Variants in SNX9 observed in about 807,000 individuals in gnomAD.
SNX9 encodes the protein sorting nexin-9.
SNX9 carries 44 observed loss-of-function variants against 89.4 expected under a neutral mutation model. The observed-to-expected ratio is 0.49, with a 90% CI of 0.39 to 0.63. The LOEUF (loss-of-function observed/expected upper bound fraction) is 0.63, where lower values mean the gene tolerates loss of function less well. Ranked by LOEUF, SNX9 falls within the 30% of genes least tolerant of loss-of-function variation. SNX9 has a pLI of 0.00. For synonymous variants in SNX9, 236 were observed against 247.8 expected, an observed-to-expected ratio of 0.95 and a Z score of 0.45; for missense variants, 578 against 736.1, an observed-to-expected ratio of 0.79 and a Z score of 2.49.
chr6:157,915,640 A>AAAAAAAATATATATATATATAT (rs1472422303), intron 9 of SNX9, among the ~76,000 whole-genome samples: 2 of 95,172 alleles, frequency 2.1e-5, no homozygotes, highest in African/African-American at 4.7e-5. Context: ...AAAAAAAAAA[A>AAAAAAAATATATATATATATAT]ATATATATAT....
At chr6:157,896,606 G>T (rs1241009213) in intron 4 of SNX9, among the ~76,000 whole-genome samples, 1 of 152,200 alleles carries the variant, frequency 6.6e-6, no homozygotes, top group Non-Finnish European at 1.5e-5. Context: ...AGCAAATACG[G>T]TAAAATGTGT....
chr6:157,845,105 CTTTTTTTTTT>C (rs35257389), intron 1 of SNX9, among the ~76,000 whole-genome samples: 4 of 124,808 alleles, frequency 3.2e-5, no homozygotes, highest in African/African-American at 1.2e-4. Context: ...TCCCATTTGT[CTTTTTTTTTT>C]TTTTTTTTTT....
At chr6:157,942,132 G>T (rs1304002565) in intron 17 of SNX9, among the ~76,000 whole-genome samples, 6 of 152,206 alleles carry the variant, frequency 3.9e-5, no homozygotes, top group Non-Finnish European at 7.3e-5. Flanking sequence ...CTAAGTAGCT[G>T]ATATAACATT....
In SNX9 at chr6:157,889,822, G is replaced by A. The variant is rs115049231; in HGVS notation, c.301-7005G>A. 4.7e-3 allele frequency among the ~76,000 whole-genome samples: 723 copies of A among 152,282 alleles called. 7 individuals are homozygous for A. Among genetic ancestry groups the A allele is most frequent in the African/African-American group, 0.017 (692 of 41,550 alleles). On this transcript the variant is annotated intron_variant, in intron 4 of 17. Transcript: ENST00000392185. ...TAGATGGGGATTTACTCAAAGAAATGCTAGTCTTTATTCTTTTCTTTATAT... is the reference window on the plus strand; with the variant it reads ...TAGATGGGGATTTACTCAAAGAAATACTAGTCTTTATTCTTTTCTTTATAT...
At chr6:157,889,157 G>A (rs1039217289) in intron 4 of SNX9, among the ~76,000 whole-genome samples, 8 of 152,262 alleles carry the variant, frequency 5.3e-5, no homozygotes, top group African/African-American at 9.6e-5. Context: ...GACATCAGGC[G>A]CAGTGGCTCA....
chr6:157,873,038 A>T, intron 2 of SNX9, 64 bp from the exon 3 acceptor site: 1 of 1,387,842 alleles, frequency 7.2e-7, no homozygotes, highest in Non-Finnish European at 9.7e-7. Context: ...CTCCACACAA[A>T]ATTTCTCCAG....
intron 9 of SNX9, among the ~76,000 whole-genome samples, chr6:157,919,127 C>T (rs1309355879): frequency 6.6e-6 from 1 of 152,136 alleles, no homozygotes; most frequent in African/African-American, 2.4e-5. Flanking sequence ...TCCTTTAATA[C>T]TTCTTATAAT....
At chr6:157,835,892 G>A (rs1335738767) in intron 1 of SNX9, among the ~76,000 whole-genome samples, 1 of 152,068 alleles carries the variant, frequency 6.6e-6, no homozygotes, top group African/African-American at 2.4e-5. Flanking sequence ...GACTAATACA[G>A]TCTGGGACCA....
intron 1 of SNX9, among the ~76,000 whole-genome samples, chr6:157,853,775 A>G (rs2115123301): frequency 6.8e-6 from 1 of 148,138 alleles, no homozygotes; most frequent in South Asian, 2.1e-4. Flanking sequence ...GTACATGCAA[A>G]TGTACATGTA....
At chr6:157,854,215 A>T (rs573685800) in intron 1 of SNX9, among the ~76,000 whole-genome samples, 1 of 152,344 alleles carries the variant, frequency 6.6e-6, no homozygotes, top group South Asian at 2.1e-4. Flanking sequence ...CCCCACCCCC[A>T]GTGAGCATGC....
At chr6:157,835,651 G>A (rs1402554986) in intron 1 of SNX9, among the ~76,000 whole-genome samples, 1 of 151,958 alleles carries the variant, frequency 6.6e-6, no homozygotes, top group African/African-American at 2.4e-5. Context: ...ATTGAATCAC[G>A]GGGTCGATTT....
rs549951949 is a variant in SNX9, at chr6:157,912,759, G to A, written c.949+2734G>A. ...TTTCTTTATTTGTTTAGAGATTTTT[G>A]TTTTTTATGGAAATAATATTGAATG... On this transcript the variant is annotated intron_variant, in intron 9 of 17. Coordinates refer to ENST00000392185, the MANE Select transcript of SNX9 (RefSeq NM_016224.5). Among the ~76,000 whole-genome samples the A allele has an allele frequency of 1.2e-4, 18 of 152,188 alleles. No homozygotes were observed. In the South Asian group the frequency reaches 3.7e-3, roughly 32 times the overall value.
rs1461435409 is a variant in SNX9, at chr6:157,932,197, T to C, written c.1291T>C (p.Leu431=). 1 of 1,614,006 alleles carries C rather than the reference T, an allele frequency of 6.2e-7. No individual in the cohort carries two copies. The highest frequency in any genetic ancestry group is 1.1e-5 in the South Asian group (1 of 91,074). The change falls in exon 13 of 18, where the codon TTA becomes CTA. Residue 431 remains leucine, a splice_region_variant and synonymous_variant. Coordinates refer to ENST00000392185, the MANE Select transcript of SNX9 (RefSeq NM_016224.5). The part of the protein sequence containing the change: ...QEHWKRCTGP[L]PKEYQKIGKA... ...GTTTATTCCTTTTTGTCTTTCAGCA[T>C]TACCCAAGGAATATCAGAAGATAGG...
intron 1 of SNX9, among the ~76,000 whole-genome samples, chr6:157,827,590 T>TTA (rs1185888789): frequency 1.4e-5 from 2 of 139,408 alleles, no homozygotes; most frequent in African/African-American, 2.7e-5. Context: ...ATATTATAGT[T>TTA]TATATATATA....
rs1306609265 is a variant in SNX9 at position 157,827,059 on chromosome 6, AC to A, written c.12+3614del. Among the ~76,000 whole-genome samples, 7 of 4,868 alleles carry A rather than the reference AC, an allele frequency of 1.4e-3. 1 individual carries two copies. The highest frequency in any genetic ancestry group is 3.3e-3 in the African/African-American group (1 of 300). 3.2% of individuals were successfully genotyped at this position (4,868 alleles called of 152,430 possible). A position where few individuals can be genotyped will look rare whatever the true frequency, so the allele number is the denominator to read the frequency against. On this transcript the variant is annotated intron_variant, in intron 1 of 17. Transcript: ENST00000392185. ...ATATTATAGTTTATATAATATATAA[AC>A]ATATATTATAGTTTATATAATATAT... is the stretch of plus-strand genomic sequence containing the variant.
chr6:157,826,511 A>C (rs901053002), intron 1 of SNX9, among the ~76,000 whole-genome samples: 15 of 150,934 alleles, frequency 9.9e-5, no homozygotes, highest in Non-Finnish European at 1.6e-4. Flanking sequence ...AGAAAAAAAA[A>C]AAAAAAAGGA....
chr6:157,838,300 A>G (rs889417657), intron 1 of SNX9, among the ~76,000 whole-genome samples: 10 of 150,224 alleles, frequency 6.7e-5, no homozygotes, highest in African/African-American at 2.4e-4. Context: ...GGCATGAACC[A>G]CTGTGCTCGA....
intron 1 of SNX9, among the ~76,000 whole-genome samples, chr6:157,825,015 C>T (rs1436266590): frequency 8.6e-5 from 13 of 152,044 alleles, no homozygotes; most frequent in Admixed American, 8.5e-4. Flanking sequence ...TGGGAGGCCG[C>T]GGTGGGTGGT....
intron 4 of SNX9, among the ~76,000 whole-genome samples, chr6:157,891,716 AGGCGGCT>A (rs773167775): frequency 6.6e-5 from 10 of 152,348 alleles, no homozygotes; most frequent in Middle Eastern, 6.8e-3. Context: ...AAGTGAAAGG[AGGCGGCT>A]GGATGTCAGC....
Sources: allele counts gnomAD v4.1 joint callset (sites outside exome capture counted in the v4.1 genomes callset), GRCh38; gene constraint gnomAD v4.1.1; transcripts MANE v1.5; gene names NCBI Gene and HGNC (gene_info 2026-07-23, HGNC 2026-07-21).